TBX19: variants seen among roughly 807,000 people sequenced by gnomAD.
TBX19 encodes T-box transcription factor TBX19.
TBX19 carries 33 observed loss-of-function variants against 40.9 expected under a neutral mutation model. The observed-to-expected ratio is 0.81, with a 90% CI of 0.61 to 1.08. The LOEUF (loss-of-function observed/expected upper bound fraction) is 1.08, where lower values mean the gene tolerates loss of function less well. Among genes scored for constraint, TBX19 ranks in the 50% least tolerant of loss-of-function variants. TBX19 has a pLI of 0.00. For synonymous variants in TBX19, 220 were observed against 225.0 expected (o/e 0.98, Z 0.20); for missense variants, 494 against 574.0 (o/e 0.86, Z 1.42).
Position 168,313,032 on chromosome 1 carries a change from G to A in TBX19, c.*30G>A, listed in dbSNP as rs778394368. The A allele has an allele frequency of 2.9e-5, 47 of 1,613,334 alleles. No homozygotes were observed. The highest frequency in any genetic ancestry group is 3.3e-4 in the Middle Eastern group (2 of 6,062). ...GATCCTAGGAGCCTCTTTGCACAGC[G>A]ATCCTTCCATGTGTAGAGTGCTTAG... On this transcript the variant is annotated 3_prime_UTR_variant, in exon 8 of 8. Transcript: ENST00000367821.
At chr1:168,310,847 T>C (rs1162469523) in intron 7 of TBX19, among the ~76,000 whole-genome samples, 3 of 147,176 alleles carry the variant, frequency 2.0e-5, no homozygotes, top group African/African-American at 4.9e-5. Flanking sequence ...TATATAAAAA[T>C]ATAACAGTAT....
chr1:168,296,507 A>C (rs1452759025), intron 3 of TBX19, among the ~76,000 whole-genome samples: 1 of 152,104 alleles, frequency 6.6e-6, no homozygotes, highest in Non-Finnish European at 1.5e-5. Flanking sequence ...AAACCATCAG[A>C]TCTCGTGAGA....
intron 6 of TBX19, among the ~76,000 whole-genome samples, chr1:168,307,630 T>TC (rs1649434267): frequency 6.6e-6 from 1 of 151,924 alleles, no homozygotes; most frequent in Non-Finnish European, 1.5e-5. Flanking sequence ...CTCTCCCTTC[T>TC]CCCCCTTTTC....
Position 168,313,216 on chromosome 1 carries a change from C to T in TBX19, c.*214C>T. The T allele has an allele frequency of 1.6e-6, 1 of 620,966 alleles. No homozygotes were observed. Among genetic ancestry groups the T allele is most frequent in the Non-Finnish European group, 2.8e-6 (1 of 354,544 alleles). The allele number at this position is 620,966 out of a possible 1,614,324, so 38.5% of individuals were successfully genotyped here. A position where few individuals can be genotyped will look rare whatever the true frequency, so the allele number is the denominator to read the frequency against. On this transcript the variant is annotated 3_prime_UTR_variant, in exon 8 of 8. Coordinates refer to ENST00000367821, the MANE Select transcript of TBX19 (RefSeq NM_005149.3). Reference sequence around the variant, plus strand: ...TCTCTCCACCATTTTCTTCTGCACTCCCATTTTCTCTGCAGCTTATTCTTG... The same window carrying T: ...TCTCTCCACCATTTTCTTCTGCACTTCCATTTTCTCTGCAGCTTATTCTTG...
chr1:168,308,372 G>A (rs1649451898), intron 6 of TBX19: 2 of 310,936 alleles, frequency 6.4e-6, no homozygotes, highest in Admixed American at 4.6e-5. Context: ...TGGGGCACTG[G>A]TGGCCCTTAG....
chr1:168,311,283 A>C (rs1166374101), intron 7 of TBX19, among the ~76,000 whole-genome samples: 3 of 152,168 alleles, frequency 2.0e-5, no homozygotes, highest in African/African-American at 7.2e-5. Flanking sequence ...GCAGGTATTA[A>C]AATTCCTATT....
chr1:168,281,258 A>G lies in TBX19; in HGVS notation c.168A>G (p.Glu56=). 6.2e-7 allele frequency: 1 copy of G among 1,614,148 alleles called. No individual in the cohort carries two copies. The highest frequency in any genetic ancestry group is 8.5e-7 in the Non-Finnish European group (1 of 1,180,008). The change falls in exon 1 of 8, where the codon GAA becomes GAG. Residue 56 remains glutamate (E), a synonymous_variant. Transcript: ENST00000367821. ...CACCTCTCTGGCAGAGATTCAAGGA[A>G]GTCACTAATGAGATGATTGTGACCA... ...EDAPLWQRFK[E]VTNEMIVTKN...
intron 4 of TBX19, among the ~76,000 whole-genome samples, chr1:168,300,103 G>A (rs546197629): frequency 1.8e-4 from 28 of 152,196 alleles, no homozygotes; most frequent in South Asian, 1.2e-3. Flanking sequence ...TTGTGCCATG[G>A]AATTGTGCTG....
intron 4 of TBX19, among the ~76,000 whole-genome samples, chr1:168,298,312 A>AT (rs909263335): frequency 3.3e-5 from 5 of 152,160 alleles, no homozygotes; most frequent in South Asian, 2.1e-4. Context: ...TTAACTAACA[A>AT]TTTTTTTTAA....
At chr1:168,302,712 A>G (rs1192690913) in intron 5 of TBX19, among the ~76,000 whole-genome samples, 1 of 152,118 alleles carries the variant, frequency 6.6e-6, no homozygotes, top group Non-Finnish European at 1.5e-5. Context: ...AAACCCCAAA[A>G]TGCTTGCTGT....
In TBX19 at chr1:168,312,861, G is replaced by T; in HGVS notation, c.1206G>T (p.Ser402=). Residue 402 remains serine, a synonymous_variant, in exon 8 of 8, where the codon TCG becomes TCT. Coordinates refer to ENST00000367821, the MANE Select transcript of TBX19 (RefSeq NM_005149.3). Reference sequence around the variant, plus strand: ...TGCTCTCCACCCAAGCACCCACTTCGGCTGGTGTGGAGGTTCTGGGGGAGC... The same window carrying T: ...TGCTCTCCACCCAAGCACCCACTTCTGCTGGTGTGGAGGTTCTGGGGGAGC... ...PSVLSTQAPT[S]AGVEVLGEPS... 1 of 1,614,226 alleles carries T rather than the reference G, an allele frequency of 6.2e-7. No individual in the cohort carries two copies. The highest frequency in any genetic ancestry group is 8.5e-7 in the Non-Finnish European group (1 of 1,180,048).
chr1:168,298,175 G>A (rs1368961134), intron 4 of TBX19, among the ~76,000 whole-genome samples: 1 of 152,242 alleles, frequency 6.6e-6, no homozygotes, highest in African/African-American at 2.4e-5. Context: ...CAGCCTGGGC[G>A]ACAGAGCGAG....
Position 168,312,842 on chromosome 1 carries a change from C to G in TBX19, c.1187C>G (p.Ser396Cys). The change falls in exon 8 of 8, where the codon TCC (serine) becomes TGC (cysteine). Residue 396 changes from serine (S) to cysteine (C), a missense_variant. By Grantham distance (112) the Ser-to-Cys change is moderately radical. Transcript: ENST00000367821. Reference protein sequence around the residue: ...PAVTSPPSVLSTQAPTSAGVE... With the variant: ...PAVTSPPSVLCTQAPTSAGVE... ...GTGACTTCACCCCCTTCTGTGCTCT[C>G]CACCCAAGCACCCACTTCGGCTGGT... The G allele has an allele frequency of 6.2e-7, 1 of 1,614,276 alleles. No homozygotes were observed. Among genetic ancestry groups the G allele is most frequent in the Non-Finnish European group, 8.5e-7 (1 of 1,180,046 alleles).
At chr1:168,287,211 G>A (rs1047300215) in intron 1 of TBX19, among the ~76,000 whole-genome samples, 3 of 152,180 alleles carry the variant, frequency 2.0e-5, no homozygotes, top group African/African-American at 7.2e-5. Flanking sequence ...CTTTGCCTCA[G>A]CCACTTTGGT....
At position 168,289,478 on chromosome 1, in the gene TBX19, C is replaced by T. The variant is rs3767484; in HGVS notation, c.204-1682C>T. On this transcript the variant is annotated intron_variant, in intron 1 of 7. Coordinates refer to ENST00000367821, the MANE Select transcript of TBX19 (RefSeq NM_005149.3). ...AAAGTGCAATCATCTCACTAAGGGA[C>T]GAGGAGTGTTGAGGTGGATAATGCA... is the stretch of plus-strand genomic sequence containing the variant. 7.8e-4 allele frequency among the ~76,000 whole-genome samples: 119 copies of T among 152,238 alleles called. 1 individual carries two copies. The East Asian group carries it at 0.011, about 14-fold the overall frequency.
At chr1:168,284,844 G>A (rs756539721) in intron 1 of TBX19, among the ~76,000 whole-genome samples, 1 of 150,998 alleles carries the variant, frequency 6.6e-6, no homozygotes, top group Non-Finnish European at 1.5e-5. Flanking sequence ...CACCTAAGGG[G>A]AAAATGCCAT....
At chr1:168,282,025 A>C (rs1408398445) in intron 1 of TBX19, among the ~76,000 whole-genome samples, 1 of 152,222 alleles carries the variant, frequency 6.6e-6, no homozygotes, top group Admixed American at 6.5e-5. Context: ...TAATATTAGA[A>C]GATTTCACTT....
intron 7 of TBX19, among the ~76,000 whole-genome samples, chr1:168,311,936 A>G (rs1057367023): frequency 2.2e-4 from 34 of 152,242 alleles, no homozygotes; most frequent in Admixed American, 2.1e-3. Context: ...CCAGGCACCA[A>G]TATTACTTTA....
chr1:168,292,795 C>T (rs929454988), intron 2 of TBX19, among the ~76,000 whole-genome samples: 15 of 136,148 alleles, frequency 1.1e-4, no homozygotes, highest in South Asian at 7.5e-4. Flanking sequence ...ACCCGGGAGG[C>T]GGAGCTTGCA....
Sources: gnomAD v4.1 joint callset for allele counts (sites outside exome capture counted in the v4.1 genomes callset) on GRCh38, gnomAD v4.1.1 for gene constraint, MANE v1.5 for transcripts, NCBI Gene and HGNC (gene_info 2026-07-23, HGNC 2026-07-21) for gene names.